The following SYN3 variants were observed in gnomAD, a reference collection of about 807,000 sequenced individuals.
SYN3 encodes the protein synapsin-3.
Under a neutral mutation model 65.8 loss-of-function variants are expected in SYN3, and 35 were observed. The observed-to-expected ratio is 0.53, with a 90% CI of 0.41 to 0.70. The LOEUF (loss-of-function observed/expected upper bound fraction) is 0.70. Ranked by LOEUF, SYN3 falls within the 30% of genes least tolerant of loss-of-function variation. The pLI, the probability that SYN3 is intolerant of heterozygous loss-of-function variation, is 0.00. For missense variants in SYN3, 680 were observed against 749.0 expected, an observed-to-expected ratio of 0.91 and a Z score of 1.08; for synonymous variants, 270 against 292.9, an observed-to-expected ratio of 0.92 and a Z score of 0.80.
chr22:32,958,388 T>C (rs915524276), intron 3 of SYN3, among the ~76,000 whole-genome samples: 2 of 152,156 alleles, frequency 1.3e-5, no homozygotes, highest in African/African-American at 4.8e-5. Flanking sequence ...TACCCAAGGG[T>C]GGTGATGACA....
intron 4 of SYN3, among the ~76,000 whole-genome samples, chr22:32,884,390 T>A (rs959059799): frequency 2.2e-4 from 34 of 152,214 alleles, no homozygotes; most frequent in Non-Finnish European, 1.5e-5. Context: ...AACAGTTCCA[T>A]GCCTCAGTTT....
chr22:32,718,719 A>G (rs2061073981), intron 6 of SYN3, among the ~76,000 whole-genome samples: 1 of 152,152 alleles, frequency 6.6e-6, no homozygotes, highest in Non-Finnish European at 1.5e-5. Flanking sequence ...TGTCCAAGAG[A>G]TAGGTTTAAC....
At chr22:32,665,366 T>C (rs1368021908) in intron 6 of SYN3, among the ~76,000 whole-genome samples, 9 of 151,876 alleles carry the variant, frequency 5.9e-5, no homozygotes, top group Non-Finnish European at 1.2e-4. Flanking sequence ...GAGGAACATA[T>C]GATGTTTGGT....
intron 6 of SYN3, among the ~76,000 whole-genome samples, chr22:32,612,542 G>A (rs999293471): frequency 6.6e-6 from 1 of 152,152 alleles, no homozygotes; most frequent in Non-Finnish European, 1.5e-5. Flanking sequence ...AAAGAAAAAA[G>A]TATAGAGAAA....
Position 32,537,223 on chromosome 22 carries a change from G to A in SYN3, c.992+813C>T, listed in dbSNP as rs374180546. On this transcript the variant is annotated intron_variant, in intron 9 of 13. Coordinates refer to ENST00000358763, the MANE Select transcript of SYN3 (RefSeq NM_003490.4). The stretch of plus-strand genomic sequence containing the variant: ...TGCCCAGGCTGGAGTTCAATGGCAC[G>A]ATCTCAGCTCACCGCAACCTCCGCC... Among the ~76,000 whole-genome samples the A allele has an allele frequency of 1.4e-4, 22 of 151,740 alleles. No homozygotes were observed. The East Asian group carries it at 1.9e-3, about 13-fold the overall frequency.
At chr22:32,570,624 G>T (rs1028667666) in intron 7 of SYN3, among the ~76,000 whole-genome samples, 5 of 152,160 alleles carry the variant, frequency 3.3e-5, no homozygotes, top group African/African-American at 1.2e-4. Context: ...TGAGTATGCC[G>T]CATTTAGCAA....
intron 6 of SYN3, among the ~76,000 whole-genome samples, chr22:32,845,173 G>A (rs200325412): frequency 7.5e-6 from 1 of 132,748 alleles, no homozygotes; most frequent in East Asian, 2.2e-4. Flanking sequence ...TGGTGCTTCT[G>A]TACCTTGGAG....
intron 3 of SYN3, among the ~76,000 whole-genome samples, chr22:32,969,781 C>A (rs1234920070): frequency 6.6e-6 from 1 of 152,204 alleles, no homozygotes; most frequent in Non-Finnish European, 1.5e-5. Context: ...TCAACTCACT[C>A]ACGCATTCAC....
At chr22:33,019,320 C>T (rs1482233059) in intron 1 of SYN3, among the ~76,000 whole-genome samples, 1 of 152,134 alleles carries the variant, frequency 6.6e-6, no homozygotes, top group Non-Finnish European at 1.5e-5. Context: ...CATCTTATTC[C>T]CCTTTTCCTT....
At chr22:32,955,507 T>C (rs1282714082) in intron 3 of SYN3, among the ~76,000 whole-genome samples, 1 of 152,204 alleles carries the variant, frequency 6.6e-6, no homozygotes, top group Non-Finnish European at 1.5e-5. Context: ...ATTTTAAAGA[T>C]TTTTATGTTT....
intron 6 of SYN3, among the ~76,000 whole-genome samples, chr22:32,816,169 G>T (rs2047083662): frequency 6.6e-6 from 1 of 152,134 alleles, no homozygotes; most frequent in Admixed American, 6.6e-5. Flanking sequence ...GGCGAGGTCA[G>T]TGTACCAGGT....
At chr22:32,676,528 C>CTTTTTTTTTTTTTTTTTTTTTTT (rs879196572) in intron 6 of SYN3, among the ~76,000 whole-genome samples, 2 of 88,932 alleles carry the variant, frequency 2.2e-5, no homozygotes, top group Non-Finnish European at 4.0e-5. Context: ...TCTTTTCTTT[C>CTTTTTTTTTTTTTTTTTTTTTTT]TTTTTTTTTT....
chr22:32,541,764 GCCCA>G (rs2058259917), intron 7 of SYN3, 51 bp from the exon 8 acceptor site: 1 of 1,585,374 alleles, frequency 6.3e-7, no homozygotes, highest in African/African-American at 1.3e-5. Context: ...TGTTCACTGA[GCCCA>G]CCCTATGCCA....
At chr22:32,967,002 C>T (rs2051866083) in intron 3 of SYN3, among the ~76,000 whole-genome samples, 1 of 152,212 alleles carries the variant, frequency 6.6e-6, no homozygotes. Flanking sequence ...CACTTGTATG[C>T]TGTGTGGCCT....
chr22:33,048,288 T>C (rs923843698), intron 1 of SYN3, among the ~76,000 whole-genome samples: 5 of 152,182 alleles, frequency 3.3e-5, no homozygotes, highest in Non-Finnish European at 7.3e-5. Context: ...ATTAACGTGA[T>C]ATAATTTGGA....
intron 7 of SYN3, among the ~76,000 whole-genome samples, chr22:32,592,899 A>C (rs1182400137): frequency 1.3e-5 from 2 of 152,218 alleles, no homozygotes; most frequent in Admixed American, 6.5e-5. Flanking sequence ...CAAGTATAAA[A>C]GAACAAAGGA....
chr22:32,944,011 C>A (rs1385878131), intron 3 of SYN3, among the ~76,000 whole-genome samples: 4 of 152,170 alleles, frequency 2.6e-5, no homozygotes, highest in Non-Finnish European at 4.4e-5. Context: ...AAGACTTTAA[C>A]ACCCCACTGT....
At chr22:32,615,453 A>AAAAAAG (rs2059505621) in intron 6 of SYN3, among the ~76,000 whole-genome samples, 1 of 106,300 alleles carries the variant, frequency 9.4e-6, no homozygotes, top group Non-Finnish European at 2.0e-5. Context: ...AAAAAAAAAG[A>AAAAAAG]AAAAAAGAAA....
chr22:32,624,358 G>C (rs2059636509), intron 6 of SYN3, among the ~76,000 whole-genome samples: 1 of 152,222 alleles, frequency 6.6e-6, no homozygotes, highest in African/African-American at 2.4e-5. Context: ...GCAGTCCCCA[G>C]GATGAGCAGC....
Sources: gnomAD v4.1 joint callset for allele counts (sites outside exome capture counted in the v4.1 genomes callset) on GRCh38, gnomAD v4.1.1 for gene constraint, MANE v1.5 for transcripts, NCBI Gene and HGNC (gene_info 2026-07-23, HGNC 2026-07-21) for gene names.